Variants in IL1RAP observed in about 807,000 individuals in gnomAD.
The protein encoded by IL1RAP is interleukin-1 receptor accessory protein.
Under a neutral mutation model 60.7 loss-of-function variants are expected in IL1RAP, and 35 were observed. That is an observed-to-expected ratio of 0.58 (90% CI 0.44 to 0.76). IL1RAP has a LOEUF of 0.76. IL1RAP is among the 30% of genes least tolerant of loss of function. IL1RAP has a pLI of 0.00. For synonymous variants in IL1RAP, 268 were observed against 250.9 expected, an observed-to-expected ratio of 1.07 and a Z score of -0.64; for missense variants, 572 against 693.9, an observed-to-expected ratio of 0.82 and a Z score of 1.97.
In IL1RAP at chr3:190,649,964, T is replaced by C. The variant is rs930516877; in HGVS notation, c.*1259T>C. ...TATATATACACACGTGTATATGAGATATATATCTTATATCTCCACAAACAC... is the reference window on the plus strand; with the variant it reads ...TATATATACACACGTGTATATGAGACATATATCTTATATCTCCACAAACAC... On this transcript the variant is annotated 3_prime_UTR_variant, in exon 12 of 12. Coordinates refer to ENST00000447382, the MANE Select transcript of IL1RAP (RefSeq NM_002182.4). 120 of 707,508 alleles carry C rather than the reference T, an allele frequency of 1.7e-4. No individual in the cohort carries two copies. The highest frequency in any genetic ancestry group is 2.0e-4 in the Non-Finnish European group (118 of 576,892). The allele number at this position is 707,508 out of a possible 1,614,324, so 43.8% of individuals were successfully genotyped here. A position where few individuals can be genotyped will look rare whatever the true frequency, so the allele number is the denominator to read the frequency against.
At chr3:190,627,914 T>C (rs1005896602) in intron 8 of IL1RAP, among the ~76,000 whole-genome samples, 1 of 152,172 alleles carries the variant, frequency 6.6e-6, no homozygotes, top group African/African-American at 2.4e-5. Context: ...TAGGTAATTG[T>C]GTTTTGTTTT....
downstream of IL1RAP, among the ~76,000 whole-genome samples, chr3:190,652,055 A>G (rs1734427120): frequency 6.6e-6 from 1 of 152,206 alleles, no homozygotes; most frequent in Non-Finnish European, 1.5e-5. Flanking sequence ...ATTTGAATCA[A>G]AGATGCATTT....
At chr3:190,538,761 G>A (rs981463577) in intron 1 of IL1RAP, among the ~76,000 whole-genome samples, 5 of 152,030 alleles carry the variant, frequency 3.3e-5, no homozygotes, top group Non-Finnish European at 7.4e-5. Context: ...GGACCCAGTG[G>A]CAGGTAATTG....
At chr3:190,584,029 CTCATGCTGCCACTGTGCCGT>C (rs1482077261) in intron 3 of IL1RAP, among the ~76,000 whole-genome samples, 16 of 152,178 alleles carry the variant, frequency 1.1e-4, no homozygotes, top group African/African-American at 3.6e-4. Context: ...CCAAATTTCT[CTCATGCTGCCACTGTGCCGT>C]CCCCCCACAC....
chr3:190,642,828 A>C (rs1733753810), intron 9 of IL1RAP, among the ~76,000 whole-genome samples: 1 of 152,214 alleles, frequency 6.6e-6, no homozygotes, highest in African/African-American at 2.4e-5. Context: ...CAAATGGTAG[A>C]TGTCAATAGA....
intron 3 of IL1RAP, among the ~76,000 whole-genome samples, chr3:190,571,348 C>T (rs1031405321): frequency 6.8e-6 from 1 of 146,106 alleles, no homozygotes; most frequent in African/African-American, 2.5e-5. Flanking sequence ...CCTGACTCCA[C>T]AAAAAAAAAA....
rs902085260 is a variant in IL1RAP at position 190,651,421 on chromosome 3, T to G, written c.*2716T>G. 1.5e-6 allele frequency: 1 copy of G among 652,742 alleles called. No homozygotes were observed. Among genetic ancestry groups the G allele is most frequent in the African/African-American group, 2.0e-5 (1 of 50,834 alleles). The allele number at this position is 652,742 out of a possible 1,614,324, so 40.4% of individuals were successfully genotyped here. ...GTTTTAATATTTTGAGAGTGTCTTT[T>G]TTATTTCATTCATGAACTTTTGTAT... On this transcript the variant is annotated 3_prime_UTR_variant, in exon 12 of 12. Coordinates refer to ENST00000447382, the MANE Select transcript of IL1RAP (RefSeq NM_002182.4).
intron 1 of IL1RAP, among the ~76,000 whole-genome samples, chr3:190,553,740 G>T (rs1237738932): frequency 6.6e-6 from 1 of 152,208 alleles, no homozygotes; most frequent in African/African-American, 2.4e-5. Flanking sequence ...TCTAGCCTCA[G>T]AAGTCTGAGG....
chr3:190,527,571 C>T (rs1454895759), intron 1 of IL1RAP, among the ~76,000 whole-genome samples: 1 of 152,052 alleles, frequency 6.6e-6, no homozygotes, highest in East Asian at 1.9e-4. Flanking sequence ...AAGTTTCATT[C>T]CAGTTGACAG....
chr3:190,604,039 C>T (rs1730078265), intron 3 of IL1RAP, 89 bp from the exon 4 acceptor site: 8 of 1,301,412 alleles, frequency 6.1e-6, no homozygotes, highest in Middle Eastern at 1.9e-4. Context: ...TGGAAAAGAC[C>T]GGGTGAACTG....
intron 7 of IL1RAP, among the ~76,000 whole-genome samples, chr3:190,623,632 C>T (rs1731972207): frequency 6.6e-6 from 1 of 152,184 alleles, no homozygotes; most frequent in African/African-American, 2.4e-5. Flanking sequence ...TATCTGCTCC[C>T]TTCTCCCTCT....
chr3:190,609,294 A>G (rs1219364377), intron 5 of IL1RAP, 113 bp downstream of exon 5: 1 of 684,108 alleles, frequency 1.5e-6, no homozygotes, highest in Non-Finnish European at 2.4e-6. Flanking sequence ...TATCTGATCT[A>G]TTCCGTAATA....
At chr3:190,598,940 A>G (rs1729616359) in intron 3 of IL1RAP, among the ~76,000 whole-genome samples, 1 of 152,196 alleles carries the variant, frequency 6.6e-6, no homozygotes, top group Admixed American at 6.5e-5. Flanking sequence ...TGAAGTTATT[A>G]ACTGCATTGC....
chr3:190,637,275 T>G (rs924057579), intron 9 of IL1RAP, among the ~76,000 whole-genome samples: 1 of 152,216 alleles, frequency 6.6e-6, no homozygotes, highest in African/African-American at 2.4e-5. Flanking sequence ...TATTTAATGT[T>G]TCTGGTACAT....
intron 6 of IL1RAP, among the ~76,000 whole-genome samples, chr3:190,621,226 C>T (rs1351906208): frequency 6.6e-6 from 1 of 152,184 alleles, no homozygotes; most frequent in African/African-American, 2.4e-5. Context: ...TGTTTAGAGA[C>T]ACTCAGTGAG....
chr3:190,633,073 G>A (rs1326417406), intron 9 of IL1RAP, among the ~76,000 whole-genome samples: 1 of 89,830 alleles, frequency 1.1e-5, no homozygotes, highest in Non-Finnish European at 2.7e-5. Flanking sequence ...ACTATTTTAG[G>A]AACCATATAT....
intron 4 of IL1RAP, among the ~76,000 whole-genome samples, chr3:190,607,783 A>G (rs1378082036): frequency 1.3e-5 from 2 of 152,160 alleles, no homozygotes; most frequent in Non-Finnish European, 2.9e-5. Context: ...ACAACTTGGA[A>G]TGATTGTACC....
intron 3 of IL1RAP, among the ~76,000 whole-genome samples, chr3:190,564,898 C>T (rs1308252634): frequency 1.3e-5 from 2 of 152,142 alleles, no homozygotes; most frequent in African/African-American, 2.4e-5. Flanking sequence ...ACTCAGTCAT[C>T]ATGGGCCTGG....
intron 3 of IL1RAP, among the ~76,000 whole-genome samples, chr3:190,566,233 G>A (rs1396041478): frequency 6.6e-6 from 1 of 152,132 alleles, no homozygotes; most frequent in East Asian, 1.9e-4. Context: ...TTAAATGGTT[G>A]AATACATGTC....
Sources: allele counts gnomAD v4.1 joint callset (sites outside exome capture counted in the v4.1 genomes callset), GRCh38; gene constraint gnomAD v4.1.1; transcripts MANE v1.5; gene names NCBI Gene and HGNC (gene_info 2026-07-23, HGNC 2026-07-21).